MORC1: variants seen among roughly 807,000 people sequenced by gnomAD.
MORC1 encodes MORC family CW-type zinc finger protein 1.
Under a neutral mutation model 134.9 loss-of-function variants are expected in MORC1, and 59 were observed. The observed-to-expected ratio is 0.44, with a 90% confidence interval of 0.35 to 0.54. The LOEUF is 0.54. MORC1 is among the 20% of genes least tolerant of loss of function. The pLI, the probability that MORC1 is intolerant of heterozygous loss-of-function variation, is 0.00. For missense variants in MORC1, 947 were observed against 1,134.5 expected (o/e 0.83, Z 2.37); for synonymous variants, 395 against 391.7 (o/e 1.01, Z -0.10).
intron 8 of MORC1, among the ~76,000 whole-genome samples, chr3:109,089,572 G>C (rs753536069): frequency 2.0e-5 from 3 of 152,038 alleles, no homozygotes; most frequent in Non-Finnish European, 4.4e-5. Flanking sequence ...ATAAGATAGA[G>C]GGAAAGAATT....
chr3:108,979,275 A>C (rs1464984380), intron 24 of MORC1, among the ~76,000 whole-genome samples: 1 of 152,238 alleles, frequency 6.6e-6, no homozygotes, highest in Non-Finnish European at 1.5e-5. Flanking sequence ...TATTACATTC[A>C]AGAGAAGACT....
chr3:108,997,984 T>C (rs988256498), intron 21 of MORC1, among the ~76,000 whole-genome samples: 12 of 152,210 alleles, frequency 7.9e-5, no homozygotes, highest in Admixed American at 3.3e-4. Flanking sequence ...AGTACAGTTA[T>C]AGGAGCACAG....
chr3:108,996,999 G>C (rs2107509238), intron 21 of MORC1, among the ~76,000 whole-genome samples: 1 of 105,666 alleles, frequency 9.5e-6, no homozygotes, highest in East Asian at 2.9e-4. Context: ...GACAGAGCGA[G>C]ACTCTGTCTC....
intron 1 of MORC1, among the ~76,000 whole-genome samples, chr3:109,115,869 G>A (rs1169011985): frequency 6.6e-6 from 1 of 152,234 alleles, no homozygotes; most frequent in East Asian, 1.9e-4. Flanking sequence ...CTTCATAGTA[G>A]TGATGGGAAA....
chr3:108,969,382 G>A (rs976394741), intron 26 of MORC1, among the ~76,000 whole-genome samples: 55 of 152,126 alleles, frequency 3.6e-4, no homozygotes, highest in African/African-American at 1.3e-3. Flanking sequence ...GCATTTTGAG[G>A]ATTCGGTGAA....
At chr3:109,026,825 A>C (rs1396298484) in intron 17 of MORC1, among the ~76,000 whole-genome samples, 1 of 152,096 alleles carries the variant, frequency 6.6e-6, no homozygotes, top group Non-Finnish European at 1.5e-5. Flanking sequence ...TTCCAAAGTG[A>C]CTCTCAGTAT....
At chr3:108,960,339 A>C (rs970966049) in intron 27 of MORC1, among the ~76,000 whole-genome samples, 5 of 152,334 alleles carry the variant, frequency 3.3e-5, no homozygotes, top group African/African-American at 1.2e-4. Context: ...TCAGCTGCAG[A>C]CAAGAGCAAA....
At chr3:109,044,809 G>C (rs1427305011) in intron 14 of MORC1, among the ~76,000 whole-genome samples, 1 of 150,590 alleles carries the variant, frequency 6.6e-6, no homozygotes, top group Non-Finnish European at 1.5e-5. Flanking sequence ...GCCAGGTGTG[G>C]TGGCGGGCAT....
intron 8 of MORC1, among the ~76,000 whole-genome samples, chr3:109,091,727 AT>A: frequency 6.6e-6 from 1 of 152,124 alleles, no homozygotes; most frequent in East Asian, 1.9e-4. Context: ...ATTCCTCCTT[AT>A]AAAATCCTAG....
intron 24 of MORC1, 29 bp downstream of exon 24, chr3:108,979,486 T>G (rs1021369956): frequency 1.9e-6 from 3 of 1,608,022 alleles, no homozygotes; most frequent in Non-Finnish European, 2.6e-6. Context: ...AAACAAAGCA[T>G]GTGGAAATAT....
At chr3:108,960,736 G>A (rs1045272289) in intron 27 of MORC1, among the ~76,000 whole-genome samples, 1 of 151,818 alleles carries the variant, frequency 6.6e-6, no homozygotes, top group Non-Finnish European at 1.5e-5. Flanking sequence ...GCAATTTTGT[G>A]ACAGTTTTGA....
chr3:109,073,107 G>C (rs899736772), intron 8 of MORC1, among the ~76,000 whole-genome samples: 2 of 152,058 alleles, frequency 1.3e-5, no homozygotes, highest in African/African-American at 4.8e-5. Flanking sequence ...CTCAGCACTG[G>C]GTATTCTTAA....
intron 17 of MORC1, among the ~76,000 whole-genome samples, chr3:109,025,293 C>T (rs2107591245): frequency 1.3e-5 from 2 of 151,456 alleles, no homozygotes; most frequent in African/African-American, 4.9e-5. Context: ...ATGCCCTATC[C>T]TTTTCCCTCT....
chr3:108,996,322 G>A (rs1452477175), intron 21 of MORC1, among the ~76,000 whole-genome samples: 2 of 118,552 alleles, frequency 1.7e-5, no homozygotes, highest in South Asian at 2.7e-4. Context: ...AGAATTTCTG[G>A]ACAATTCAGC....
rs11438791 is a variant in MORC1 at position 109,035,473 on chromosome 3, T to TAAAA, written c.1331-9_1331-6dup. ...ACAATGTTAAATTTCTATTATCTTTTAAAAAAAAAAGCAGGCAAAGAATAA... is the reference window on the plus strand; with the variant it reads ...ACAATGTTAAATTTCTATTATCTTTTAAAAAAAAAAAAAAGCAGGCAAAGAATAA... On this transcript the variant is annotated splice_region_variant and splice_polypyrimidine_tract_variant and intron_variant, in intron 14 of 27. Coordinates refer to ENST00000232603, the MANE Select transcript of MORC1 (RefSeq NM_014429.4). 1.9e-4 allele frequency: 218 copies of TAAAA among 1,173,018 alleles called. No individual in the cohort carries two copies. Among genetic ancestry groups the TAAAA allele is most frequent in the Admixed American group, 3.1e-4 (11 of 36,042 alleles). The allele number at this position is 1,173,018 out of a possible 1,614,324, so 72.7% of individuals were successfully genotyped here. A position where few individuals can be genotyped will look rare whatever the true frequency, so the allele number is the denominator to read the frequency against.
At chr3:109,054,635 G>T in intron 14 of MORC1, 93 bp downstream of exon 14, 1 of 1,160,204 alleles carries the variant, frequency 8.6e-7, no homozygotes, top group Non-Finnish European at 1.2e-6. Context: ...TCAGTTGCTG[G>T]TAATCTGAAT....
intron 8 of MORC1, among the ~76,000 whole-genome samples, chr3:109,076,146 A>C (rs998542812): frequency 6.6e-6 from 1 of 152,228 alleles, no homozygotes; most frequent in Non-Finnish European, 1.5e-5. Context: ...AGAAAAAAAC[A>C]ACCCCATCAA....
rs1383478124 is a variant in MORC1, at chr3:109,005,223, T to C, written c.1860A>G (p.Gly620=). 12 of 1,613,890 alleles carry C rather than the reference T, an allele frequency of 7.4e-6. No individual in the cohort carries two copies. In the East Asian group the frequency reaches 2.0e-4, roughly 27 times the overall value. The stretch of plus-strand genomic sequence containing the variant: ...CTGTCTCTTCTATGTTTCTTTTCTG[T>C]CCTCTACGGCTCGCTGAAAGCTCAA... ...SSFELSASRR[G]QKRNIEETDS... The change falls in exon 19 of 28, where the codon GGA becomes GGG. Residue 620 remains glycine, a synonymous_variant. Coordinates refer to ENST00000232603, the MANE Select transcript of MORC1 (RefSeq NM_014429.4).
intron 2 of MORC1, among the ~76,000 whole-genome samples, chr3:109,113,662 A>C (rs1475651140): frequency 6.6e-6 from 1 of 151,858 alleles, no homozygotes; most frequent in African/African-American, 2.4e-5. Context: ...GCTTTATTCA[A>C]TTTAACTGAA....
Sources: allele counts gnomAD v4.1 joint callset (sites outside exome capture counted in the v4.1 genomes callset), GRCh38; gene constraint gnomAD v4.1.1; transcripts MANE v1.5; gene names NCBI Gene and HGNC (gene_info 2026-07-23, HGNC 2026-07-21).